Variants in METAP1D observed in about 807,000 individuals in gnomAD.
METAP1D encodes methionyl aminopeptidase type 1D, mitochondrial.
METAP1D carries 31 observed loss-of-function variants against 40.5 expected under a neutral mutation model. The observed-to-expected ratio is 0.77, with a 90% CI of 0.58 to 1.03. The LOEUF is 1.03. METAP1D is among the 50% of genes least tolerant of loss of function. METAP1D has a pLI of 0.00. For missense variants in METAP1D, 411 were observed against 420.7 expected (o/e 0.98, Z 0.20); for synonymous variants, 151 against 146.4 (o/e 1.03, Z -0.22).
At chr2:172,026,592 T>C (rs141913408) in intron 1 of METAP1D, among the ~76,000 whole-genome samples, 35 of 152,348 alleles carry the variant, frequency 2.3e-4, no homozygotes, top group African/African-American at 6.7e-4. Flanking sequence ...AGTGAGCCCA[T>C]AGCGCCTACC....
intron 5 of METAP1D, among the ~76,000 whole-genome samples, chr2:172,070,469 T>C (rs1184093622): frequency 2.0e-5 from 3 of 152,238 alleles, no homozygotes; most frequent in Non-Finnish European, 2.9e-5. Flanking sequence ...AATGTAGAAC[T>C]GGTAAATACA....
At position 172,041,458 on chromosome 2, in the gene METAP1D, CAA is replaced by C. The variant is rs782636305; in HGVS notation, c.41-20026_41-20025del. 2.1e-3 allele frequency among the ~76,000 whole-genome samples: 196 copies of C among 94,882 alleles called. 6 individuals carry two copies. The highest frequency in any genetic ancestry group is 3.6e-3 in the African/African-American group (111 of 30,556). The allele number at this position is 94,882 out of a possible 152,430, so 62.2% of individuals were successfully genotyped here. A position where few individuals can be genotyped will look rare whatever the true frequency, so the allele number is the denominator to read the frequency against. On this transcript the variant is annotated intron_variant, in intron 1 of 9. Coordinates refer to ENST00000315796, the MANE Select transcript of METAP1D (RefSeq NM_199227.3). ...TGGGTGACAGCGCAAGACTCTGTAT[CAA>C]AAAAAAAAAAAAAGAATCCACTTAA... is the stretch of plus-strand genomic sequence containing the variant.
rs78133835 is a variant in METAP1D, at chr2:172,024,724, G to A, written c.40+24715G>A. On this transcript the variant is annotated intron_variant, in intron 1 of 9. Transcript: ENST00000315796. Reference sequence around the variant, plus strand: ...AAGCTATTTCTTACATCCTGATAAAGCCTCCTTTTTAAAGACATATAGATT... The same window carrying A: ...AAGCTATTTCTTACATCCTGATAAAACCTCCTTTTTAAAGACATATAGATT... Among the ~76,000 whole-genome samples the A allele has an allele frequency of 5.7e-3, 861 of 149,924 alleles. 6 individuals carry two copies. The highest frequency in any genetic ancestry group is 0.02 in the African/African-American group (810 of 40,740).
chr2:172,036,230 T>C (rs1689379576), intron 1 of METAP1D, among the ~76,000 whole-genome samples: 1 of 146,034 alleles, frequency 6.8e-6, no homozygotes, highest in Non-Finnish European at 1.5e-5. Flanking sequence ...GGCAGGAGAA[T>C]GGCGTGAACC....
At chr2:172,068,542 T>G (rs1690346311) in intron 5 of METAP1D, among the ~76,000 whole-genome samples, 1 of 151,882 alleles carries the variant, frequency 6.6e-6, no homozygotes. Flanking sequence ...CAGACGGAGT[T>G]TCCCTCTGTT....
At chr2:172,008,711 T>TTG (rs1210256402) in intron 1 of METAP1D, among the ~76,000 whole-genome samples, 1 of 152,070 alleles carries the variant, frequency 6.6e-6, no homozygotes, top group Non-Finnish European at 1.5e-5. Flanking sequence ...AATATCTTTT[T>TTG]CACTGTGCTC....
rs1559018483 is a variant in METAP1D, at chr2:172,065,704, CTGTT to C, written c.453_456del (p.Cys152ProfsTer3). ...CTAGGCTATGGAGGTTTTCCAAAAT[CTGTT>C]TGTACCTCTGTAAACAACGTGCTCT... is the stretch of plus-strand genomic sequence containing the variant. On this transcript the variant is annotated frameshift_variant, in exon 4 of 10. Transcript: ENST00000315796. LOFTEE classifies it high-confidence loss of function. The C allele has an allele frequency of 1.2e-6, 2 of 1,613,990 alleles. No homozygotes were observed.
At chr2:172,020,688 G>A (rs1688986572) in intron 1 of METAP1D, among the ~76,000 whole-genome samples, 1 of 152,104 alleles carries the variant, frequency 6.6e-6, no homozygotes. Context: ...AATAAGTAAA[G>A]CAAAGTATTT....
chr2:172,000,009 G>T lies in METAP1D; in HGVS notation c.40G>T (p.Gly14Cys). 7.5e-7 allele frequency: 1 copy of T among 1,335,748 alleles called. No individual in the cohort carries two copies. Among genetic ancestry groups the T allele is most frequent in the Non-Finnish European group, 9.7e-7 (1 of 1,033,976 alleles). 82.7% of individuals were successfully genotyped at this position (1,335,748 alleles called of 1,614,324 possible). ...PSGVHLLVRR[G>C]SHRIFSSPLN... Reference sequence around the variant, plus strand: ...TGGCGTCCACCTGCTCGTCCGCAGAGGTAAGCGCGTGGAGGAGAGCCCCGT... The same window carrying T: ...TGGCGTCCACCTGCTCGTCCGCAGATGTAAGCGCGTGGAGGAGAGCCCCGT... The change falls in exon 1 of 10, where the codon GGT becomes TGT. Residue 14 changes from glycine to cysteine, a missense_variant and splice_region_variant. Gly to Cys is a radical substitution (Grantham distance 159). Transcript: ENST00000315796.
At chr2:172,073,399 A>G (rs1052217309) in intron 6 of METAP1D, among the ~76,000 whole-genome samples, 9 of 152,154 alleles carry the variant, frequency 5.9e-5, no homozygotes, top group Non-Finnish European at 1.3e-4. Flanking sequence ...AAAAAGAAGA[A>G]GAAGAAGAAG....
At chr2:172,004,849 C>T (rs1158676300) in intron 1 of METAP1D, among the ~76,000 whole-genome samples, 1 of 152,150 alleles carries the variant, frequency 6.6e-6, no homozygotes, top group Non-Finnish European at 1.5e-5. Flanking sequence ...GAAACCTTGG[C>T]TCTAAAGTGC....
In METAP1D at chr2:172,042,543, A is replaced by G. The variant is rs549466048; in HGVS notation, c.41-18955A>G. Among the ~76,000 whole-genome samples the G allele has an allele frequency of 3.4e-4, 16 of 47,596 alleles. 5 individuals carry two copies. Among genetic ancestry groups the G allele is most frequent in the African/African-American group, 1.2e-3 (15 of 12,726 alleles). The allele number at this position is 47,596 out of a possible 152,430, so 31.2% of individuals were successfully genotyped here. ...TGTACATGTGTACATATATACATAT[A>G]TGTGTGTATGTGTACATGTGCACAT... On this transcript the variant is annotated intron_variant, in intron 1 of 9. Transcript: ENST00000315796.
At chr2:172,066,679 G>A (rs901120932) in intron 5 of METAP1D, among the ~76,000 whole-genome samples, 1 of 152,178 alleles carries the variant, frequency 6.6e-6, no homozygotes, top group African/African-American at 2.4e-5. Context: ...GAGCTAACAC[G>A]AAGAAAGCCA....
chr2:172,045,807 G>GTATATA (rs1689736626), intron 1 of METAP1D, among the ~76,000 whole-genome samples: 1 of 52,858 alleles, frequency 1.9e-5, no homozygotes, highest in African/African-American at 7.3e-5. Flanking sequence ...ATGTGTGTGT[G>GTATATA]TGTGTGTGTG....
chr2:172,013,099 C>A (rs1008802097), intron 1 of METAP1D, among the ~76,000 whole-genome samples: 2 of 152,218 alleles, frequency 1.3e-5, no homozygotes, highest in Non-Finnish European at 2.9e-5. Flanking sequence ...AGACCTTGAA[C>A]ACAGCTAATT....
chr2:172,020,592 C>G (rs191235409), intron 1 of METAP1D, among the ~76,000 whole-genome samples: 2 of 152,178 alleles, frequency 1.3e-5, no homozygotes, highest in African/African-American at 4.8e-5. Flanking sequence ...ATATGCCAGA[C>G]ACTGTTCTAG....
At chr2:172,076,065 G>GT (rs1341044667) in intron 6 of METAP1D, among the ~76,000 whole-genome samples, 1 of 152,042 alleles carries the variant, frequency 6.6e-6, no homozygotes, top group Non-Finnish European at 1.5e-5. Context: ...GACCCTAAGT[G>GT]TTTTTTCAGA....
chr2:172,065,493 C>A (rs1416267193), intron 3 of METAP1D, 111 bp from the exon 4 acceptor site: 2 of 1,038,820 alleles, frequency 1.9e-6, no homozygotes, highest in East Asian at 2.4e-5. Flanking sequence ...ATAACTTTAT[C>A]ATAGTAAATT....
In METAP1D at chr2:172,044,893, A is replaced by AT. The variant is rs1254178046; in HGVS notation, c.41-16605_41-16604insT. Among the ~76,000 whole-genome samples the AT allele has an allele frequency of 1.8e-5, 2 of 113,990 alleles. 1 individual carries two copies. The highest frequency in any genetic ancestry group is 5.2e-5 in the African/African-American group (2 of 38,396). The allele number at this position is 113,990 out of a possible 152,430, so 74.8% of individuals were successfully genotyped here. A position where few individuals can be genotyped will look rare whatever the true frequency, so the allele number is the denominator to read the frequency against. On this transcript the variant is annotated intron_variant, in intron 1 of 9. Coordinates refer to ENST00000315796, the MANE Select transcript of METAP1D (RefSeq NM_199227.3). ...GACAGAACGAGACTTTATCTCAAAA[A>AT]AAATAAATAAATAAATAAATCAGGT...
Sources: allele counts gnomAD v4.1 joint callset (sites outside exome capture counted in the v4.1 genomes callset), GRCh38; gene constraint gnomAD v4.1.1; transcripts MANE v1.5; gene names NCBI Gene and HGNC (gene_info 2026-07-23, HGNC 2026-07-21).